ZKSCAN2: variants seen among roughly 807,000 people sequenced by gnomAD.
ZKSCAN2 encodes zinc finger with KRAB and SCAN domains 2, also known as zinc finger protein with KRAB and SCAN domains 2.
A neutral mutation model predicts 90.5 loss-of-function variants in ZKSCAN2; 38 were observed. The observed-to-expected ratio is 0.42, with a 90% CI of 0.32 to 0.55. ZKSCAN2 has a LOEUF of 0.55. Ranked by LOEUF, ZKSCAN2 falls within the 20% of genes least tolerant of loss-of-function variation. The pLI is 0.11. For synonymous variants in ZKSCAN2, 429 were observed against 421.6 expected (o/e 1.02, Z -0.22); for missense variants, 1,167 against 1,202.6 (o/e 0.97, Z 0.44).
Position 25,256,975 on chromosome 16 carries a change from G to C in ZKSCAN2, c.153C>G (p.Phe51Leu). Residue 51 changes from phenylalanine to leucine, a missense_variant, in exon 1 of 7, where the codon TTC becomes TTG. Phe to Leu is a conservative substitution (Grantham distance 22, BLOSUM62 0). Transcript: ENST00000328086. Reference protein sequence around the residue: ...SETFRKCFRQFCYEDVTGPHE... With the variant: ...SETFRKCFRQLCYEDVTGPHE... ...GGGGTCCAGTCACATCCTCATAACA[G>C]AATTGCCTGAAGCATTTGCGGAAGG... 6.2e-7 allele frequency: 1 copy of C among 1,614,214 alleles called. No homozygotes were observed. The highest frequency in any genetic ancestry group is 8.5e-7 in the Non-Finnish European group (1 of 1,180,036).
intron 1 of ZKSCAN2, 73 bp downstream of exon 1, chr16:25,256,656 A>C: frequency 6.7e-7 from 1 of 1,492,332 alleles, no homozygotes; most frequent in Non-Finnish European, 9.0e-7. Context: ...GTCTTTCTGC[A>C]ATACATCCCT....
chr16:25,251,388 G>A (rs531572761), intron 4 of ZKSCAN2, among the ~76,000 whole-genome samples: 2 of 151,944 alleles, frequency 1.3e-5, no homozygotes, highest in African/African-American at 2.4e-5. Context: ...ATATATTTTC[G>A]TAAGTATTTA....
intron 4 of ZKSCAN2, among the ~76,000 whole-genome samples, chr16:25,249,273 G>A (rs919418315): frequency 1.1e-4 from 16 of 152,208 alleles, no homozygotes; most frequent in Admixed American, 5.9e-4. Context: ...GTAATGCTTT[G>A]TCTATTTCAA....
chr16:25,253,952 G>A (rs934011106), intron 2 of ZKSCAN2, among the ~76,000 whole-genome samples: 1 of 152,206 alleles, frequency 6.6e-6, no homozygotes, highest in Non-Finnish European at 1.5e-5. Context: ...AGGTTGCTGT[G>A]AGCTGAGATC....
chr16:25,239,686 A>T lies in ZKSCAN2; in HGVS notation c.*130T>A. On this transcript the variant is annotated 3_prime_UTR_variant, in exon 7 of 7. Transcript: ENST00000328086. The stretch of plus-strand genomic sequence containing the variant: ...TAGAGGCAGAGGTGAGAACAGGATG[A>T]AAGTGTTTAGTTTATTTATATTCTC... 1 of 769,356 alleles carries T rather than the reference A, an allele frequency of 1.3e-6. No homozygotes were observed. The highest frequency in any genetic ancestry group is 2.1e-6 in the Non-Finnish European group (1 of 485,074). The allele number at this position is 769,356 out of a possible 1,614,324, so 47.7% of individuals were successfully genotyped here.
At position 25,239,797 on chromosome 16, in the gene ZKSCAN2, T is replaced by C. The variant is rs375189966; in HGVS notation, c.*19A>G. 1.3e-6 allele frequency: 2 copies of C among 1,552,352 alleles called. No individual in the cohort carries two copies. The highest frequency in any genetic ancestry group is 1.7e-6 in the Non-Finnish European group (2 of 1,150,942). On this transcript the variant is annotated 3_prime_UTR_variant, in exon 7 of 7. Coordinates refer to ENST00000328086, the MANE Select transcript of ZKSCAN2 (RefSeq NM_001012981.5). Reference sequence around the variant, plus strand: ...AGGGTAAAATGGCTAAGGGGGCATTTAGGAAGAGAAGATCATCATCAAAAA... The same window carrying C: ...AGGGTAAAATGGCTAAGGGGGCATTCAGGAAGAGAAGATCATCATCAAAAA...
At chr16:25,250,756 T>C (rs1309380170) in intron 4 of ZKSCAN2, among the ~76,000 whole-genome samples, 1 of 152,172 alleles carries the variant, frequency 6.6e-6, no homozygotes, top group African/African-American at 2.4e-5. Flanking sequence ...TGCATATATA[T>C]ACATATATGT....
Position 25,247,384 on chromosome 16 carries a change from G to A in ZKSCAN2, c.812C>T (p.Ala271Val), listed in dbSNP as rs375748621. ...GGTTATCTTGTTAGATGTAGACACTGCACTTCCTACAGTAAAATAAACATA... is the reference window on the plus strand; with the variant it reads ...GGTTATCTTGTTAGATGTAGACACTACACTTCCTACAGTAAAATAAACATA... ...NVGNVVSLGSAVSTSNKITRL... is the reference protein window; with the variant it reads ...NVGNVVSLGSVVSTSNKITRL... The change falls in exon 5 of 7, where the codon GCA becomes GTA. Residue 271 changes from alanine (A) to valine (V), a missense_variant. Coordinates refer to ENST00000328086, the MANE Select transcript of ZKSCAN2 (RefSeq NM_001012981.5). 110 of 1,602,840 alleles carry A rather than the reference G, an allele frequency of 6.9e-5. No homozygotes were observed. Among genetic ancestry groups the A allele is most frequent in the Non-Finnish European group, 9.1e-5 (107 of 1,177,072 alleles).
chr16:25,239,603 C>A lies in ZKSCAN2; in HGVS notation c.*213G>T. 2 of 491,958 alleles carry A rather than the reference C, an allele frequency of 4.1e-6. No homozygotes were observed. The allele number at this position is 491,958 out of a possible 1,614,324, so 30.5% of individuals were successfully genotyped here. On this transcript the variant is annotated 3_prime_UTR_variant, in exon 7 of 7. Transcript: ENST00000328086. ...TCTGAACTCGGACAATGTATCTTCG[C>A]CACATTCTTAAAGGAGAAGCTGAGA...
In ZKSCAN2 at chr16:25,239,750, G is replaced by T. The variant is rs2141357250; in HGVS notation, c.*66C>A. 7.4e-7 allele frequency: 1 copy of T among 1,350,538 alleles called. No individual in the cohort carries two copies. The highest frequency in any genetic ancestry group is 1.0e-6 in the Non-Finnish European group (1 of 984,518). 83.7% of individuals were successfully genotyped at this position (1,350,538 alleles called of 1,614,324 possible). On this transcript the variant is annotated 3_prime_UTR_variant, in exon 7 of 7. Coordinates refer to ENST00000328086, the MANE Select transcript of ZKSCAN2 (RefSeq NM_001012981.5). ...AAATTACACTTCATAGCTAAGAAAA[G>T]ATTGCTTCCAAGAATGAGATTAGGG...
chr16:25,252,117 A>C, intron 3 of ZKSCAN2, 82 bp from the exon 4 acceptor site: 1 of 1,470,950 alleles, frequency 6.8e-7, no homozygotes, highest in Non-Finnish European at 9.2e-7. Context: ...GAGGCAGAGA[A>C]GAACCCTAAA....
chr16:25,244,642 A>G (rs1962907744), intron 5 of ZKSCAN2, among the ~76,000 whole-genome samples: 1 of 152,200 alleles, frequency 6.6e-6, no homozygotes, highest in African/African-American at 2.4e-5. Context: ...TGCCATTGCT[A>G]TGGTGATTAA....
intron 4 of ZKSCAN2, among the ~76,000 whole-genome samples, chr16:25,248,027 C>T (rs529595686): frequency 2.6e-5 from 4 of 152,104 alleles, no homozygotes; most frequent in South Asian, 2.1e-4. Context: ...AAATGGTGCT[C>T]GGAAAACTGG....
chr16:25,254,581 T>C (rs1453649164), intron 2 of ZKSCAN2, among the ~76,000 whole-genome samples: 2 of 152,216 alleles, frequency 1.3e-5, no homozygotes, highest in Non-Finnish European at 1.5e-5. Flanking sequence ...GATTGTAGAA[T>C]GTAGATCTTA....
At position 25,247,368 on chromosome 16, in the gene ZKSCAN2, G is replaced by T; in HGVS notation, c.828C>A (p.Asn276Lys). The T allele has an allele frequency of 6.2e-7, 1 of 1,609,582 alleles. No individual in the cohort carries two copies. The highest frequency in any genetic ancestry group is 8.5e-7 in the Non-Finnish European group (1 of 1,179,750). Residue 276 changes from asparagine (N) to lysine (K), a missense_variant, in exon 5 of 7, where the codon AAC becomes AAA. Asn to Lys is a moderately conservative substitution (Grantham distance 94, BLOSUM62 0). Transcript: ENST00000328086. ...TTCTCTGTTCCAACCGGGTTATCTTGTTAGATGTAGACACTGCACTTCCTA... is the reference window on the plus strand; with the variant it reads ...TTCTCTGTTCCAACCGGGTTATCTTTTTAGATGTAGACACTGCACTTCCTA... ...VSLGSAVSTS[N>K]KITRLEQRKE... is the part of the protein sequence containing the mutation.
intron 2 of ZKSCAN2, among the ~76,000 whole-genome samples, chr16:25,254,824 C>T (rs1335068733): frequency 4.7e-5 from 7 of 149,334 alleles, no homozygotes; most frequent in Admixed American, 2.7e-4. Context: ...GACAGGGTCT[C>T]GCTCTGTCAC....
intron 4 of ZKSCAN2, among the ~76,000 whole-genome samples, chr16:25,250,187 T>C (rs1007240077): frequency 3.3e-5 from 5 of 152,142 alleles, no homozygotes; most frequent in African/African-American, 1.2e-4. Context: ...CATGCACCTG[T>C]AGTTCCAGCT....
chr16:25,243,368 C>G (rs1962882531), intron 6 of ZKSCAN2, among the ~76,000 whole-genome samples: 1 of 152,180 alleles, frequency 6.6e-6, no homozygotes, highest in Non-Finnish European at 1.5e-5. Context: ...CACTCTATCA[C>G]CCAGGCTGGA....
Position 25,240,004 on chromosome 16 carries a change from G to A in ZKSCAN2, c.2716C>T (p.Arg906Trp), listed in dbSNP as rs1962825310. Residue 906 changes from arginine to tryptophan, a missense_variant, in exon 7 of 7, where the codon CGG (arginine) becomes TGG (tryptophan). Coordinates refer to ENST00000328086, the MANE Select transcript of ZKSCAN2 (RefSeq NM_001012981.5). ...GGCTTCTCTCCAGTGTGTATTCTCC[G>A]ATGTTCTCGAAATCTCGTACAGTTA... ...FNNCTRFREH[R>W]RIHTGEKPYG... 2.5e-6 allele frequency: 4 copies of A among 1,614,006 alleles called. No individual in the cohort carries two copies. The highest frequency in any genetic ancestry group is 2.2e-5 in the East Asian group (1 of 44,884).
Sources: allele counts gnomAD v4.1 joint callset (sites outside exome capture counted in the v4.1 genomes callset), GRCh38; gene constraint gnomAD v4.1.1; transcripts MANE v1.5; gene names NCBI Gene and HGNC (gene_info 2026-07-23, HGNC 2026-07-21).